Variants in PCDHGA2 observed in about 807,000 individuals in gnomAD.
The protein encoded by PCDHGA2 is protocadherin gamma subfamily A, 2, also known as protocadherin gamma-A2.
A neutral mutation model predicts 59.2 loss-of-function variants in PCDHGA2; 40 were observed. The observed-to-expected ratio is 0.68, with a 90% CI of 0.52 to 0.88. PCDHGA2 has a LOEUF of 0.88. Ranked by LOEUF, PCDHGA2 falls within the 40% of genes least tolerant of loss-of-function variation. PCDHGA2 has a pLI of 0.00. For missense variants in PCDHGA2, 1,226 were observed against 1,204.0 expected, an observed-to-expected ratio of 1.02 and a Z score of -0.27; for synonymous variants, 560 against 526.0, an observed-to-expected ratio of 1.06 and a Z score of -0.89.
Position 141,389,991 on chromosome 5 carries a change from G to C in PCDHGA2, c.2424+48596G>C, listed in dbSNP as rs561094692. The C allele has an allele frequency of 4.3e-6, 7 of 1,613,898 alleles. No homozygotes were observed. The Admixed American group carries it at 5.0e-5, about 12-fold the overall frequency. ...GGCCTTGATCTCAGTGCTCTTCCTC[G>C]TGGCCATGATTCTGGCCATTGCCTT... On this transcript the variant is annotated intron_variant, in intron 1 of 3. Transcript: ENST00000394576.
At chr5:141,481,346 C>T (rs2099536003) in intron 1 of PCDHGA2, among the ~76,000 whole-genome samples, 1 of 152,248 alleles carries the variant, frequency 6.6e-6, no homozygotes, top group Non-Finnish European at 1.5e-5. Context: ...ATTATTTAAA[C>T]ATCTACAGCT....
intron 1 of PCDHGA2, among the ~76,000 whole-genome samples, chr5:141,480,873 C>A (rs1026513782): frequency 6.6e-6 from 1 of 152,168 alleles, no homozygotes; most frequent in East Asian, 1.9e-4. Context: ...GGTGAAACCC[C>A]GTCTCTACTA....
intron 1 of PCDHGA2, among the ~76,000 whole-genome samples, chr5:141,466,613 C>T (rs772278295): frequency 1.2e-4 from 19 of 152,144 alleles, no homozygotes; most frequent in Non-Finnish European, 2.4e-4. Context: ...TGTAAACTGC[C>T]GTTTTCTTTG....
chr5:141,353,359 A>C (rs1759255864), intron 1 of PCDHGA2, among the ~76,000 whole-genome samples: 1 of 152,224 alleles, frequency 6.6e-6, no homozygotes, highest in Non-Finnish European at 1.5e-5. Context: ...TTAATTATGT[A>C]ATTGATGTAA....
intron 1 of PCDHGA2, chr5:141,389,146 C>A (rs567517174): frequency 3.7e-6 from 6 of 1,614,000 alleles, no homozygotes; most frequent in South Asian, 3.3e-5. Flanking sequence ...ATAACCGTTA[C>A]GGCAACAGAT....
At chr5:141,482,755 T>TGAAGTGGGAG (rs1554165462) in intron 1 of PCDHGA2, among the ~76,000 whole-genome samples, 1 of 143,580 alleles carries the variant, frequency 7.0e-6, no homozygotes, top group South Asian at 2.1e-4. Context: ...GGGATTATGG[T>TGAAGTGGGAG]ATTTCATTAT....
At chr5:141,342,115 T>G (rs1435625635) in intron 1 of PCDHGA2, 2 of 152,196 alleles carry the variant, frequency 1.3e-5, no homozygotes, top group Non-Finnish European at 2.9e-5. Flanking sequence ...TTCTCCTTTT[T>G]TTTTATCTTT....
chr5:141,400,776 G>T (rs1461818790), intron 1 of PCDHGA2: 3 of 557,594 alleles, frequency 5.4e-6, no homozygotes, highest in Non-Finnish European at 9.4e-6. Context: ...CATTTGGTGC[G>T]TTTTTTTGTC....
chr5:141,501,130 G>A (rs528942194), intron 2 of PCDHGA2, among the ~76,000 whole-genome samples: 5 of 152,100 alleles, frequency 3.3e-5, no homozygotes, highest in African/African-American at 4.8e-5. Flanking sequence ...GCCTCCCTAA[G>A]TGCTGGGATT....
chr5:141,487,670 T>A lies in PCDHGA2; in HGVS notation c.2425-7137T>A. The A allele has an allele frequency of 6.2e-7, 1 of 1,612,302 alleles. No homozygotes were observed. Among genetic ancestry groups the A allele is most frequent in the Non-Finnish European group, 8.5e-7 (1 of 1,179,082 alleles). ...TGAGGGTTATTCTGATCCAGGCATA[T>A]GGCTAGGCCATGTCCTAGAGAGTAC... On this transcript the variant is annotated intron_variant, in intron 1 of 3. Transcript: ENST00000394576. This position sits in a 1 kb window ranked among gnomAD's most constrained non-coding sequence, Gnocchi z 5.0.
Position 141,512,559 on chromosome 5 carries a change from C to T in PCDHGA2, c.*1386C>T, listed in dbSNP as rs1396321304. The T allele has an allele frequency of 6.5e-6, 1 of 152,904 alleles. No individual in the cohort carries two copies. The highest frequency in any genetic ancestry group is 1.5e-5 in the Non-Finnish European group (1 of 68,438). The allele number at this position is 152,904 out of a possible 1,614,324, so 9.5% of individuals were successfully genotyped here. ...CCCCAGTGCCTCCTTGTGCATAGAC[C>T]TTCTTCTCCCACCCCCTTCTGCCCC... On this transcript the variant is annotated 3_prime_UTR_variant, in exon 4 of 4. Coordinates refer to ENST00000394576, the MANE Select transcript of PCDHGA2 (RefSeq NM_018915.4).
chr5:141,427,892 C>G (rs752723370), intron 1 of PCDHGA2: 2 of 1,567,044 alleles, frequency 1.3e-6, no homozygotes, highest in African/African-American at 2.7e-5. Context: ...ACGACCAGGG[C>G]TCGCCCGCGC....
At chr5:141,474,606 T>C (rs1156236978) in intron 1 of PCDHGA2, among the ~76,000 whole-genome samples, 1 of 152,242 alleles carries the variant, frequency 6.6e-6, no homozygotes, top group Non-Finnish European at 1.5e-5. Context: ...ATAGGTCACA[T>C]ATGGCTTTTC....
intron 1 of PCDHGA2, chr5:141,414,994 T>G (rs1390374290): frequency 6.2e-7 from 1 of 1,613,744 alleles, no homozygotes; most frequent in South Asian, 1.1e-5. Flanking sequence ...CCAGAACGCC[T>G]GGCTGTCCTA....
At chr5:141,468,063 A>G (rs2099157033) in intron 1 of PCDHGA2, among the ~76,000 whole-genome samples, 1 of 152,064 alleles carries the variant, frequency 6.6e-6, no homozygotes, top group South Asian at 2.1e-4. Flanking sequence ...AGTGGCTCAC[A>G]CCTGTAATCC....
At chr5:141,452,354 G>C (rs2154563893) in intron 1 of PCDHGA2, among the ~76,000 whole-genome samples, 1 of 152,240 alleles carries the variant, frequency 6.6e-6, no homozygotes, top group Non-Finnish European at 1.5e-5. Flanking sequence ...TTATCCAAAA[G>C]CCTTGCTTCA....
chr5:141,347,656 G>A (rs1460154418), intron 1 of PCDHGA2, among the ~76,000 whole-genome samples: 1 of 151,990 alleles, frequency 6.6e-6, no homozygotes, highest in African/African-American at 2.4e-5. Context: ...GCATGGTGGT[G>A]GGCGCCTGTA....
chr5:141,352,361 C>T, intron 1 of PCDHGA2: 1 of 1,614,054 alleles, frequency 6.2e-7, no homozygotes, highest in Non-Finnish European at 8.5e-7. Context: ...GCTCTTTCTC[C>T]TCGCGGTGAT....
intron 1 of PCDHGA2, among the ~76,000 whole-genome samples, chr5:141,459,184 G>GC (rs2098963022): frequency 6.6e-6 from 1 of 152,134 alleles, no homozygotes; most frequent in South Asian, 2.1e-4. Flanking sequence ...GTTCCCTCAT[G>GC]CCCCTTTGCA....
Sources: allele counts gnomAD v4.1 joint callset (sites outside exome capture counted in the v4.1 genomes callset), GRCh38; gene constraint gnomAD v4.1.1; non-coding constraint Gnocchi (gnomAD v3.1); transcripts MANE v1.5; gene names NCBI Gene and HGNC (gene_info 2026-07-23, HGNC 2026-07-21).